The following UBE2E2 variants were observed in gnomAD, a reference collection of about 807,000 sequenced individuals.
UBE2E2 encodes ubiquitin conjugating enzyme E2 E2, also known as ubiquitin-conjugating enzyme E2 E2.
Under a neutral mutation model 24.7 loss-of-function variants are expected in UBE2E2, and 6 were observed. The ratio of observed to expected loss-of-function variants is 0.24; its 90% CI spans 0.13 to 0.48. The LOEUF (loss-of-function observed/expected upper bound fraction) is 0.48. UBE2E2 is among the 20% of genes least tolerant of loss of function. The pLI, the probability that UBE2E2 is intolerant of heterozygous loss-of-function variation, is 0.99. For synonymous variants in UBE2E2, 104 were observed against 83.6 expected (o/e 1.24, Z -1.33); for missense variants, 169 against 245.0 (o/e 0.69, Z 2.07).
intron 3 of UBE2E2, among the ~76,000 whole-genome samples, chr3:23,417,418 G>A (rs1197678229): frequency 2.0e-5 from 3 of 152,138 alleles, no homozygotes; most frequent in Non-Finnish European, 2.9e-5. Flanking sequence ...TCCTTCCTCT[G>A]GAAGCTTCAT....
chr3:23,456,198 T>C (rs1431941448), intron 3 of UBE2E2, among the ~76,000 whole-genome samples: 3 of 152,256 alleles, frequency 2.0e-5, no homozygotes, highest in Admixed American at 6.5e-5. Context: ...GCTCCACTTA[T>C]AATTCTAGTT....
At chr3:23,336,815 T>G (rs1417010995) in intron 3 of UBE2E2, among the ~76,000 whole-genome samples, 2 of 152,162 alleles carry the variant, frequency 1.3e-5, no homozygotes, top group African/African-American at 4.8e-5. Context: ...TTAATCAGTT[T>G]TAACAGTGTT....
chr3:23,387,626 T>G (rs1696832668), intron 3 of UBE2E2, among the ~76,000 whole-genome samples: 1 of 152,210 alleles, frequency 6.6e-6, no homozygotes, highest in African/African-American at 2.4e-5. Context: ...TTTCTCTCTT[T>G]CTTTACCATC....
intron 3 of UBE2E2, among the ~76,000 whole-genome samples, chr3:23,441,292 A>C (rs1216661382): frequency 1.3e-5 from 2 of 150,518 alleles, no homozygotes; most frequent in African/African-American, 4.9e-5. Flanking sequence ...TGGGAGGCCA[A>C]GGCGGGCAGA....
At chr3:23,534,393 C>A in intron 5 of UBE2E2, 1 of 213,352 alleles carries the variant, frequency 4.7e-6, no homozygotes, top group Non-Finnish European at 8.0e-6. Flanking sequence ...AAAAATCACT[C>A]CTAACTAAAG....
chr3:23,322,827 A>G (rs995915750), intron 3 of UBE2E2, among the ~76,000 whole-genome samples: 4 of 152,094 alleles, frequency 2.6e-5, no homozygotes, highest in African/African-American at 9.6e-5. Flanking sequence ...ATTTAATATT[A>G]TCATTATTTT....
intron 3 of UBE2E2, among the ~76,000 whole-genome samples, chr3:23,483,449 G>C (rs1699297435): frequency 6.6e-6 from 1 of 152,214 alleles, no homozygotes; most frequent in African/African-American, 2.4e-5. Flanking sequence ...GGTAAAAAGT[G>C]TTACCTTTTT....
At position 23,375,034 on chromosome 3, in the gene UBE2E2, A is replaced by G. The variant is rs141676837; in HGVS notation, c.228-124574A>G. Among the ~76,000 whole-genome samples, 339 of 152,318 alleles carry G rather than the reference A, an allele frequency of 2.2e-3. 1 individual carries two copies. The highest frequency in any genetic ancestry group is 7.2e-3 in the African/African-American group (301 of 41,572). Reference sequence around the variant, plus strand: ...ATGTTATTCTATAGTAATAAATGGCAGAAATGAAATCTGTGCTTTTATTCG... The same window carrying G: ...ATGTTATTCTATAGTAATAAATGGCGGAAATGAAATCTGTGCTTTTATTCG... On this transcript the variant is annotated intron_variant, in intron 3 of 5. Coordinates refer to ENST00000396703, the MANE Select transcript of UBE2E2 (RefSeq NM_152653.4).
At chr3:23,582,273 T>TAC (rs1436037120) in intron 5 of UBE2E2, among the ~76,000 whole-genome samples, 6 of 152,344 alleles carry the variant, frequency 3.9e-5, no homozygotes, top group African/African-American at 1.4e-4. Context: ...TGTGTATATA[T>TAC]ACCACGGTTT....
intron 4 of UBE2E2, among the ~76,000 whole-genome samples, chr3:23,525,831 G>T (rs1559411613): frequency 6.6e-6 from 1 of 152,338 alleles, no homozygotes; most frequent in Non-Finnish European, 1.5e-5. Flanking sequence ...GTCAGAGATC[G>T]GAGTAGTCTT....
At chr3:23,503,387 C>T (rs1165282341) in intron 4 of UBE2E2, among the ~76,000 whole-genome samples, 6 of 151,556 alleles carry the variant, frequency 4.0e-5, no homozygotes, top group African/African-American at 7.3e-5. Flanking sequence ...GACAGGGTTT[C>T]GCCATGTTGG....
intron 3 of UBE2E2, among the ~76,000 whole-genome samples, chr3:23,434,140 CT>C (rs1698129982): frequency 6.6e-6 from 1 of 152,088 alleles, no homozygotes; most frequent in African/African-American, 2.4e-5. Context: ...CTTAACTACA[CT>C]GTATGAGCTG....
intron 3 of UBE2E2, among the ~76,000 whole-genome samples, chr3:23,284,535 A>T (rs1264863028): frequency 6.6e-6 from 1 of 152,046 alleles, no homozygotes; most frequent in Non-Finnish European, 1.5e-5. Flanking sequence ...TATTTTTTAA[A>T]AAAGAATCTT....
chr3:23,450,380 ATTAATT>A (rs1698537501), intron 3 of UBE2E2, among the ~76,000 whole-genome samples: 1 of 152,136 alleles, frequency 6.6e-6, no homozygotes, highest in Non-Finnish European at 1.5e-5. Context: ...TTTAATTTTA[ATTAATT>A]TTAATTAATT....
At chr3:23,310,316 C>G (rs1005846105) in intron 3 of UBE2E2, among the ~76,000 whole-genome samples, 1 of 78,154 alleles carries the variant, frequency 1.3e-5, no homozygotes, top group Non-Finnish European at 2.7e-5. Flanking sequence ...TTTTTTTTTA[C>G]AAAAATTCTG....
intron 3 of UBE2E2, among the ~76,000 whole-genome samples, chr3:23,336,488 CTGAGA>C (rs1695214803): frequency 6.6e-6 from 1 of 152,200 alleles, no homozygotes; most frequent in African/African-American, 2.4e-5. Context: ...GTCTGCTGAA[CTGAGA>C]ATACAGAATC....
intron 4 of UBE2E2, among the ~76,000 whole-genome samples, chr3:23,512,332 C>T (rs942689539): frequency 3.9e-5 from 6 of 152,208 alleles, no homozygotes; most frequent in Admixed American, 3.9e-4. Context: ...ATTCTCCCAC[C>T]TCAGCCTCCC....
At chr3:23,561,224 A>C (rs941886113) in intron 5 of UBE2E2, among the ~76,000 whole-genome samples, 3 of 152,166 alleles carry the variant, frequency 2.0e-5, no homozygotes, top group African/African-American at 7.2e-5. Flanking sequence ...TTAAGTCTTT[A>C]ATCCATCTTG....
At chr3:23,356,117 C>T (rs1198918594) in intron 3 of UBE2E2, among the ~76,000 whole-genome samples, 2 of 152,246 alleles carry the variant, frequency 1.3e-5, no homozygotes. Flanking sequence ...CTCAGTTAAA[C>T]CTAAACTGCT....
Sources: gnomAD v4.1 joint callset for allele counts (sites outside exome capture counted in the v4.1 genomes callset) on GRCh38, gnomAD v4.1.1 for gene constraint, MANE v1.5 for transcripts, NCBI Gene and HGNC (gene_info 2026-07-23, HGNC 2026-07-21) for gene names.